Variants in ROBO1 observed in about 807,000 individuals in gnomAD.
ROBO1 encodes roundabout homolog 1.
Under a neutral mutation model 195.9 loss-of-function variants are expected in ROBO1, and 149 were observed. The observed-to-expected ratio is 0.76, with a 90% CI of 0.67 to 0.87. The LOEUF (loss-of-function observed/expected upper bound fraction) is 0.87, where lower values mean the gene tolerates loss of function less well. ROBO1 is among the 40% of genes least tolerant of loss of function. The pLI is 0.00. For missense variants in ROBO1, 1,933 were observed against 2,068.3 expected, an observed-to-expected ratio of 0.93 and a Z score of 1.27; for synonymous variants, 816 against 733.2, an observed-to-expected ratio of 1.11 and a Z score of -1.82.
chr3:78,783,592 G>T (rs1036047777), intron 4 of ROBO1, among the ~76,000 whole-genome samples: 11 of 152,054 alleles, frequency 7.2e-5, no homozygotes, highest in African/African-American at 1.5e-4. Context: ...AGGTTCTATG[G>T]CATTTTGTAA....
intron 1 of ROBO1, among the ~76,000 whole-genome samples, chr3:79,605,992 G>T (rs1020034433): frequency 2.8e-5 from 4 of 145,178 alleles, no homozygotes; most frequent in Non-Finnish European, 6.1e-5. Context: ...ATGTGTGTGT[G>T]TATATATATA....
At chr3:79,307,464 TATAAACTGAA>T (rs1182311131) in intron 2 of ROBO1, among the ~76,000 whole-genome samples, 1 of 152,050 alleles carries the variant, frequency 6.6e-6, no homozygotes, top group African/African-American at 2.4e-5. Flanking sequence ...ATCACTGGAG[TATAAACTGAA>T]ATAAACTGCA....
chr3:79,409,933 C>CAT (rs1379682074), intron 2 of ROBO1, among the ~76,000 whole-genome samples: 15 of 151,936 alleles, frequency 9.9e-5, no homozygotes, highest in Admixed American at 7.2e-4. Flanking sequence ...ATTATTTGCA[C>CAT]ATATATATAT....
intron 1 of ROBO1, among the ~76,000 whole-genome samples, chr3:79,637,255 T>C (rs1032016320): frequency 6.6e-6 from 1 of 152,142 alleles, no homozygotes; most frequent in Non-Finnish European, 1.5e-5. Context: ...ATTTATCATG[T>C]ATTATAAAAG....
intron 3 of ROBO1, among the ~76,000 whole-genome samples, chr3:79,055,480 G>A (rs2108381657): frequency 6.6e-6 from 1 of 152,184 alleles, no homozygotes; most frequent in Non-Finnish European, 1.5e-5. Flanking sequence ...GGGACTAGTA[G>A]GTGGTGGAAA....
chr3:78,722,355 T>C (rs2082063533), intron 5 of ROBO1, among the ~76,000 whole-genome samples: 1 of 152,142 alleles, frequency 6.6e-6, no homozygotes, highest in Non-Finnish European at 1.5e-5. Flanking sequence ...TGTCAAATTT[T>C]TCTACAAGAA....
At chr3:79,758,805 G>A (rs911365831) in intron 1 of ROBO1, among the ~76,000 whole-genome samples, 13 of 152,070 alleles carry the variant, frequency 8.5e-5, no homozygotes, top group Non-Finnish European at 1.6e-4. Context: ...GTCTATGAAA[G>A]GCAGAGTGCT....
chr3:78,806,588 A>G (rs1225187309), intron 4 of ROBO1, among the ~76,000 whole-genome samples: 3 of 152,192 alleles, frequency 2.0e-5, no homozygotes, highest in Non-Finnish European at 4.4e-5. Context: ...AGTAACACTT[A>G]TAAGTCATGT....
intron 2 of ROBO1, among the ~76,000 whole-genome samples, chr3:79,304,885 G>T (rs777078072): frequency 6.6e-5 from 10 of 152,068 alleles, no homozygotes; most frequent in Non-Finnish European, 1.0e-4. Context: ...TGAATACCTA[G>T]AAATGGAATG....
At chr3:79,175,340 C>T (rs893521539) in intron 2 of ROBO1, among the ~76,000 whole-genome samples, 1 of 152,114 alleles carries the variant, frequency 6.6e-6, no homozygotes, top group African/African-American at 2.4e-5. Context: ...GAAATGGGGT[C>T]TTACTGTGTT....
chr3:78,606,749 C>T lies in ROBO1; in HGVS notation c.4728G>A (p.Lys1576=), dbSNP rs1269695867. 6.2e-7 allele frequency: 1 copy of T among 1,613,566 alleles called. No homozygotes were observed. The highest frequency in any genetic ancestry group is 8.5e-7 in the Non-Finnish European group (1 of 1,179,794). The change falls in exon 29 of 31, where the codon AAG becomes AAA. Residue 1576 remains lysine, a synonymous_variant. Coordinates refer to ENST00000464233, the MANE Select transcript of ROBO1 (RefSeq NM_002941.4). ...GATGAGTACCTTGGATGAGATGAGT[C>T]TTTGCTGGTGGAAGGTCTCGTTTTG... ...KAAKRDLPPA[K]THLIQEDILP... is the part of the protein sequence containing the mutation.
intron 2 of ROBO1, among the ~76,000 whole-genome samples, chr3:79,146,850 A>G (rs2080663533): frequency 6.6e-6 from 1 of 151,982 alleles, no homozygotes; most frequent in Admixed American, 6.6e-5. Context: ...AGAAGTGGCC[A>G]GTTTTCTTGA....
At chr3:79,680,795 G>A (rs941842789) in intron 1 of ROBO1, among the ~76,000 whole-genome samples, 4 of 151,986 alleles carry the variant, frequency 2.6e-5, no homozygotes, top group Non-Finnish European at 5.9e-5. Context: ...GAAATGACAT[G>A]AAGGTGAGTG....
intron 2 of ROBO1, among the ~76,000 whole-genome samples, chr3:79,283,659 A>G (rs2031673455): frequency 6.6e-6 from 1 of 151,988 alleles, no homozygotes; most frequent in Non-Finnish European, 1.5e-5. Flanking sequence ...AACAAAGTAT[A>G]TCAATGGATA....
intron 2 of ROBO1, among the ~76,000 whole-genome samples, chr3:79,539,727 G>A (rs530077353): frequency 3.3e-5 from 5 of 151,924 alleles, no homozygotes; most frequent in Admixed American, 1.3e-4. Flanking sequence ...ACTGTTAATC[G>A]TTTTCATCCA....
intron 4 of ROBO1, among the ~76,000 whole-genome samples, chr3:78,785,150 T>C (rs1232055782): frequency 6.6e-6 from 1 of 152,232 alleles, no homozygotes; most frequent in Non-Finnish European, 1.5e-5. Flanking sequence ...ACTGCAACGA[T>C]ATAAAGTCTA....
chr3:79,170,497 T>C (rs1268514021), intron 2 of ROBO1, among the ~76,000 whole-genome samples: 1 of 152,160 alleles, frequency 6.6e-6, no homozygotes, highest in Non-Finnish European at 1.5e-5. Flanking sequence ...GCATTTAAGA[T>C]AGGAAAATAT....
At chr3:79,662,880 G>A (rs1217289845) in intron 1 of ROBO1, among the ~76,000 whole-genome samples, 2 of 152,066 alleles carry the variant, frequency 1.3e-5, no homozygotes, top group African/African-American at 4.8e-5. Context: ...GGAAGTATGA[G>A]TCCAAGAAAA....
chr3:79,376,686 T>C (rs2036397523), intron 2 of ROBO1, among the ~76,000 whole-genome samples: 1 of 152,168 alleles, frequency 6.6e-6, no homozygotes, highest in Admixed American at 6.5e-5. Flanking sequence ...TCCCCAGCCA[T>C]GTAGAACTGT....
Sources: gnomAD v4.1 joint callset for allele counts (sites outside exome capture counted in the v4.1 genomes callset) on GRCh38, gnomAD v4.1.1 for gene constraint, MANE v1.5 for transcripts, NCBI Gene and HGNC (gene_info 2026-07-23, HGNC 2026-07-21) for gene names.